EVPLL: variants seen among roughly 807,000 people sequenced by gnomAD.
EVPLL encodes the protein envoplakin-like protein.
Under a neutral mutation model 46.2 loss-of-function variants are expected in EVPLL, and 39 were observed. The ratio of observed to expected loss-of-function variants is 0.84; its 90% CI spans 0.65 to 1.10. The LOEUF (loss-of-function observed/expected upper bound fraction) is 1.10, where lower values mean the gene tolerates loss of function less well. Ranked by LOEUF, EVPLL falls within the 50% of genes least tolerant of loss-of-function variation. The probability of loss-of-function intolerance (pLI) is 0.00; values close to 1 mark genes in which losing one functional copy is unlikely to be tolerated. For synonymous variants in EVPLL, 156 were observed against 165.8 expected, an observed-to-expected ratio of 0.94 and a Z score of 0.46; for missense variants, 385 against 412.6, an observed-to-expected ratio of 0.93 and a Z score of 0.58.
chr17:18,388,241 C>T lies in EVPLL; in HGVS notation c.899C>T (p.Pro300Leu), dbSNP rs565572722. 24 of 1,476,930 alleles carry T rather than the reference C, an allele frequency of 1.6e-5. No homozygotes were observed. In the Middle Eastern group the frequency reaches 5.1e-4, roughly 32 times the overall value. The allele number at this position is 1,476,930 out of a possible 1,614,324, so 91.5% of individuals were successfully genotyped here. Residue 300 changes from proline to leucine, a missense_variant, in exon 10 of 11, where the codon CCT (proline) becomes CTT (leucine). Coordinates refer to ENST00000399134, the MANE Select transcript of EVPLL (RefSeq NM_001145127.2). Reference protein sequence around the residue: ...YSRILCPSSSPH With the variant: ...YSRILCPSSSLH ...CAGATTCTGTGTCCATCTTCCTCTC[C>T]TCATTGACTCTGCATGAAGGGGATT...
intron 9 of EVPLL, among the ~76,000 whole-genome samples, chr17:18,385,440 G>A (rs1987737094): frequency 8.0e-6 from 1 of 124,774 alleles, no homozygotes; most frequent in South Asian, 2.5e-4. Flanking sequence ...TTCACTAAGA[G>A]AAGAAAGAGA....
intron 9 of EVPLL, among the ~76,000 whole-genome samples, chr17:18,387,405 C>T (rs1473437894): frequency 6.7e-6 from 1 of 148,426 alleles, no homozygotes; most frequent in Non-Finnish European, 1.5e-5. Flanking sequence ...GTACCAGCCT[C>T]CCCAATGGCC....
Position 18,380,876 on chromosome 17 carries a change from G to C in EVPLL, c.-36-26G>C, listed in dbSNP as rs1358243515. 1.9e-6 allele frequency: 3 copies of C among 1,546,082 alleles called. No individual in the cohort carries two copies. The African/African-American group carries it at 4.1e-5, about 21-fold the overall frequency. Reference sequence around the variant, plus strand: ...ACAGAGGGGCCTCTTCCACCGAGCTGCCCACTGTCCCCTCCACCCACCAAG... The same window carrying C: ...ACAGAGGGGCCTCTTCCACCGAGCTCCCCACTGTCCCCTCCACCCACCAAG... On this transcript the variant is annotated intron_variant, in intron 1 of 10. Transcript: ENST00000399134.
At position 18,381,058 on chromosome 17, in the gene EVPLL, A is replaced by C; in HGVS notation, c.63+58A>C. On this transcript the variant is annotated intron_variant, in intron 2 of 10. Coordinates refer to ENST00000399134, the MANE Select transcript of EVPLL (RefSeq NM_001145127.2). The surrounding 1 kb of genome is among the most constrained non-coding windows in gnomAD (Gnocchi z 4.2). ...GCAGGCTGGGTGGCATGGGAGGCCC[A>C]TCATCAGGCCTGGCACTCCCTGAGT... 1 of 1,542,862 alleles carries C rather than the reference A, an allele frequency of 6.5e-7. No homozygotes were observed. The highest frequency in any genetic ancestry group is 8.8e-7 in the Non-Finnish European group (1 of 1,140,154).
In EVPLL at chr17:18,381,823, G is replaced by C. The variant is rs1987588823; in HGVS notation, c.346+93G>C. 1.9e-6 allele frequency: 3 copies of C among 1,576,826 alleles called. No homozygotes were observed. The highest frequency in any genetic ancestry group is 1.3e-5 in the African/African-American group (1 of 74,460). On this transcript the variant is annotated intron_variant, in intron 4 of 10. Coordinates refer to ENST00000399134, the MANE Select transcript of EVPLL (RefSeq NM_001145127.2). The surrounding 1 kb of genome is among the most constrained non-coding windows in gnomAD (Gnocchi z 4.2). Reference sequence around the variant, plus strand: ...CTGACTGTAGGCTTGAACAGTCAGTGTATAGTGGTGTCTCAGGGGTCTGGG... The same window carrying C: ...CTGACTGTAGGCTTGAACAGTCAGTCTATAGTGGTGTCTCAGGGGTCTGGG...
chr17:18,382,960 T>A, intron 6 of EVPLL, 65 bp from the exon 7 acceptor site: 1 of 1,571,362 alleles, frequency 6.4e-7, no homozygotes, highest in Non-Finnish European at 8.6e-7. Context: ...CGCCGCCCAA[T>A]GGCGCCTTTT....
At position 18,380,945 on chromosome 17, in the gene EVPLL, C is replaced by G. The variant is rs1441555817; in HGVS notation, c.8C>G (p.Ala3Gly). Reference protein sequence around the residue: MQASADQVERDIL... With the variant: MQGSADQVERDIL... ...ACCCTGCTCATCTCCCACATGCAAGCCAGCGCCGACCAGGTGGAGCGGGAC... is the reference window on the plus strand; with the variant it reads ...ACCCTGCTCATCTCCCACATGCAAGGCAGCGCCGACCAGGTGGAGCGGGAC... The change falls in exon 2 of 11, where the codon GCC becomes GGC. Residue 3 changes from alanine (A) to glycine (G), a missense_variant. Coordinates refer to ENST00000399134, the MANE Select transcript of EVPLL (RefSeq NM_001145127.2). 5.6e-6 allele frequency: 9 copies of G among 1,593,534 alleles called. No homozygotes were observed. The highest frequency in any genetic ancestry group is 7.7e-6 in the Non-Finnish European group (9 of 1,170,902).
intron 9 of EVPLL, among the ~76,000 whole-genome samples, chr17:18,385,896 C>T (rs1682280): frequency 0.65 from 99,267 of 152,052 alleles, 33,815 homozygotes; most frequent in African/African-American, 0.83. Context: ...CTGGCCAGAA[C>T]TATCTTGCAA....
chr17:18,388,805 T>C (rs1987858143), intron 10 of EVPLL, 52 bp from the exon 11 acceptor site: 1 of 151,916 alleles, frequency 6.6e-6, no homozygotes, highest in Admixed American at 6.6e-5. Flanking sequence ...GAGATTGAAC[T>C]CTGGGGCTCA....
chr17:18,383,390 G>A lies in EVPLL; in HGVS notation c.780+12G>A, dbSNP rs1253396342. 6.4e-7 allele frequency: 1 copy of A among 1,572,664 alleles called. No homozygotes were observed. The highest frequency in any genetic ancestry group is 1.2e-5 in the South Asian group (1 of 85,900). On this transcript the variant is annotated intron_variant, in intron 8 of 10. Transcript: ENST00000399134. ...TGGGGCCCATCCAGGTGCGCTGGGG[G>A]CAGGGCGAGAGTGAGAAGGGACGTG... is the stretch of plus-strand genomic sequence containing the variant.
intron 9 of EVPLL, among the ~76,000 whole-genome samples, chr17:18,385,091 C>T (rs1255930914): frequency 3.3e-5 from 5 of 151,340 alleles, no homozygotes; most frequent in African/African-American, 4.9e-5. Context: ...AGCAGGAGGT[C>T]GGGGCACTCT....
At chr17:18,388,556 C>A in intron 10 of EVPLL, 1 of 244,282 alleles carries the variant, frequency 4.1e-6, no homozygotes, top group Non-Finnish European at 8.1e-6. Flanking sequence ...GGCCACATCA[C>A]TGCCCCCTTT....
At position 18,382,591 on chromosome 17, in the gene EVPLL, A is replaced by G; in HGVS notation, c.425A>G (p.Glu142Gly). 1.0e-5 allele frequency: 16 copies of G among 1,551,816 alleles called. No individual in the cohort carries two copies. The highest frequency in any genetic ancestry group is 1.4e-5 in the African/African-American group (1 of 73,158). The change falls in exon 5 of 11, where the codon GAA becomes GGA. Residue 142 changes from glutamate to glycine, a missense_variant. Transcript: ENST00000399134. ...GATCGCGGAGCTCAACATCGTGCAG[A>G]AGGAGATCAACGACCAAGGAGAGCA... ...GTDRGAQHRAEGDQRPRRAAA... is the reference protein window; with the variant it reads ...GTDRGAQHRAGGDQRPRRAAA...
rs780804947 is a variant in EVPLL at position 18,383,068 on chromosome 17, C to T, written c.555C>T (p.His185=). The T allele has an allele frequency of 6.4e-7, 1 of 1,558,670 alleles. No homozygotes were observed. The highest frequency in any genetic ancestry group is 8.6e-7 in the Non-Finnish European group (1 of 1,158,890). Residue 185 remains histidine (H), a synonymous_variant, in exon 7 of 11, where the codon CAC becomes CAT. Transcript: ENST00000399134. ...GGGCAGAGCCTGGGCAGCCTGTACA[C>T]GCACTGCAGGGCTGCACGTGGCAGC... ...VARAEPGQPV[H]ALQGCTWQLS...
intron 9 of EVPLL, among the ~76,000 whole-genome samples, chr17:18,387,280 T>C (rs1987798944): frequency 6.6e-6 from 1 of 152,054 alleles, no homozygotes. Context: ...TCTGAAACTC[T>C]AAATACTGTC....
chr17:18,380,578 G>A (rs537848590), intron 1 of EVPLL: 1 of 238,058 alleles, frequency 4.2e-6, no homozygotes, highest in East Asian at 9.2e-5. Context: ...CGGCTCACAG[G>A]GGGGAAGTGG....
chr17:18,385,972 A>G (rs1987753263), intron 9 of EVPLL, among the ~76,000 whole-genome samples: 1 of 152,188 alleles, frequency 6.6e-6, no homozygotes, highest in Admixed American at 6.5e-5. Flanking sequence ...CTGAGTCTCC[A>G]TCGCTCATTC....
chr17:18,388,054 A>G (rs9915683), intron 9 of EVPLL, 165 bp from the exon 10 acceptor site: 24,156 of 193,790 alleles, frequency 0.12, 2,146 homozygotes, highest in South Asian at 0.15. Context: ...ATATATATGT[A>G]TATATATATA....
At chr17:18,387,393 C>T (rs796673187) in intron 9 of EVPLL, among the ~76,000 whole-genome samples, 1,212 of 128,834 alleles carry the variant, frequency 9.4e-3, no homozygotes, top group African/African-American at 0.015. Context: ...ACCTGGATTA[C>T]TGTACCAGCC....
Sources: allele counts gnomAD v4.1 joint callset (sites outside exome capture counted in the v4.1 genomes callset), GRCh38; gene constraint gnomAD v4.1.1; non-coding constraint Gnocchi (gnomAD v3.1); transcripts MANE v1.5; gene names NCBI Gene and HGNC (gene_info 2026-07-23, HGNC 2026-07-21).